VIT: variants seen among roughly 807,000 people sequenced by gnomAD.
VIT encodes the protein vitrin.
A neutral mutation model predicts 78.0 loss-of-function variants in VIT; 99 were observed. The ratio of observed to expected loss-of-function variants is 1.27; its 90% CI spans 1.08 to 1.50. VIT has a LOEUF of 1.50. Among genes scored for constraint, VIT ranks in the 40% most tolerant of loss-of-function variants. The pLI is 0.00. For synonymous variants in VIT, 374 were observed against 334.3 expected, an observed-to-expected ratio of 1.12 and a Z score of -1.29; for missense variants, 1,126 against 875.3, an observed-to-expected ratio of 1.29 and a Z score of -3.61.
chr2:36,808,292 G>C (rs773494455), intron 14 of VIT, among the ~76,000 whole-genome samples, 180 bp from the exon 15 acceptor site: 25 of 152,220 alleles, frequency 1.6e-4, no homozygotes, highest in Non-Finnish European at 2.8e-4. Context: ...GCGATAACCC[G>C]GGGGCTTCGC....
At chr2:36,767,035 G>C in intron 6 of VIT, 59 bp from the exon 7 acceptor site, 1 of 1,444,092 alleles carries the variant, frequency 6.9e-7, no homozygotes, top group Non-Finnish European at 9.2e-7. Context: ...TTTATTTCTA[G>C]TTCTATAAGA....
chr2:36,727,653 T>C (rs1666935769), intron 2 of VIT, among the ~76,000 whole-genome samples: 1 of 152,228 alleles, frequency 6.6e-6, no homozygotes, highest in African/African-American at 2.4e-5. Context: ...AGACATCTCT[T>C]TTCTCCAATC....
In VIT at chr2:36,787,218, G is replaced by A. The variant is rs553993339; in HGVS notation, c.1000G>A (p.Val334Ile). 20 of 1,614,216 alleles carry A rather than the reference G, an allele frequency of 1.2e-5. 3 individuals carry two copies. Among genetic ancestry groups the A allele is most frequent in the South Asian group, 6.6e-5 (6 of 91,086 alleles). Residue 334 changes from valine to isoleucine, a missense_variant, in exon 12 of 16, where the codon GTT becomes ATT. Transcript: ENST00000379242. The stretch of plus-strand genomic sequence containing the variant: ...AATCCAGAAGCAGCTCCTGGCTGAT[G>A]TTGCCCAAGCTCTTGACATTGGCCC... ...FRIQKQLLAD[V>I]AQALDIGPAG...
intron 9 of VIT, among the ~76,000 whole-genome samples, chr2:36,778,914 G>A (rs1249924074): frequency 2.0e-5 from 3 of 152,190 alleles, no homozygotes; most frequent in East Asian, 1.9e-4. Context: ...GGGAAGAAAC[G>A]AGGGAGCTGA....
intron 4 of VIT, among the ~76,000 whole-genome samples, chr2:36,749,101 G>C (rs1041643044): frequency 6.6e-6 from 1 of 152,212 alleles, no homozygotes; most frequent in Non-Finnish European, 1.5e-5. Flanking sequence ...TTGATGGGGA[G>C]AGGAAGAGAA....
In VIT at chr2:36,787,120, G is replaced by T; in HGVS notation, c.911-9G>T. ...CATGAGAATAATAGAGTCTTTTTCC[G>T]TTCCGCAGACTGCAAAATTGACTTG... On this transcript the variant is annotated splice_polypyrimidine_tract_variant and intron_variant, in intron 11 of 15. Coordinates refer to ENST00000379242, the MANE Select transcript of VIT (RefSeq NM_053276.4). 1 of 1,614,008 alleles carries T rather than the reference G, an allele frequency of 6.2e-7. No individual in the cohort carries two copies. Among genetic ancestry groups the T allele is most frequent in the Non-Finnish European group, 8.5e-7 (1 of 1,179,990 alleles).
chr2:36,708,085 G>T (rs1237419057), intron 1 of VIT, among the ~76,000 whole-genome samples: 1 of 151,740 alleles, frequency 6.6e-6, no homozygotes, highest in Non-Finnish European at 1.5e-5. Context: ...TACAGATAGA[G>T]GCCACCACCA....
At chr2:36,731,717 G>C (rs1286429705) in intron 3 of VIT, among the ~76,000 whole-genome samples, 1 of 152,138 alleles carries the variant, frequency 6.6e-6, no homozygotes, top group Non-Finnish European at 1.5e-5. Context: ...AAGCACACTG[G>C]GATATCTGTA....
intron 3 of VIT, among the ~76,000 whole-genome samples, chr2:36,734,605 G>C (rs1667397463): frequency 6.6e-6 from 1 of 152,228 alleles, no homozygotes; most frequent in African/African-American, 2.4e-5. Flanking sequence ...AAGGAGAAGA[G>C]CATAACTGTC....
intron 14 of VIT, among the ~76,000 whole-genome samples, chr2:36,806,355 C>A (rs184994143): frequency 6.6e-6 from 1 of 152,206 alleles, no homozygotes; most frequent in African/African-American, 2.4e-5. Context: ...TCCTGCACCA[C>A]CTCAAACTGA....
chr2:36,774,108 A>G (rs1266075542), intron 8 of VIT, among the ~76,000 whole-genome samples: 1 of 152,138 alleles, frequency 6.6e-6, no homozygotes, highest in Non-Finnish European at 1.5e-5. Flanking sequence ...GGATTCAGTA[A>G]CCGGGCTCTT....
intron 9 of VIT, among the ~76,000 whole-genome samples, chr2:36,778,391 T>A (rs1012955427): frequency 6.6e-6 from 1 of 152,190 alleles, no homozygotes; most frequent in Non-Finnish European, 1.5e-5. Context: ...GGTGGGCTCC[T>A]GATAATTCAA....
intron 11 of VIT, among the ~76,000 whole-genome samples, chr2:36,785,877 T>C (rs1665060131): frequency 6.6e-6 from 1 of 152,248 alleles, no homozygotes; most frequent in Non-Finnish European, 1.5e-5. Flanking sequence ...AATAAATATT[T>C]CTCATCAATT....
chr2:36,788,196 C>A (rs531289276), intron 12 of VIT: 6 of 179,970 alleles, frequency 3.3e-5, no homozygotes, highest in African/African-American at 1.2e-4. Context: ...ACCATCATAA[C>A]CTTTGGTGCC....
At chr2:36,754,026 G>T (rs1439232947) in intron 4 of VIT, among the ~76,000 whole-genome samples, 3 of 152,184 alleles carry the variant, frequency 2.0e-5, no homozygotes, top group South Asian at 4.1e-4. Context: ...CAGGTATGCT[G>T]GGAGAACCCA....
At chr2:36,748,999 T>C (rs1328942126) in intron 4 of VIT, among the ~76,000 whole-genome samples, 1 of 152,192 alleles carries the variant, frequency 6.6e-6, no homozygotes, top group African/African-American at 2.4e-5. Flanking sequence ...CCGTCGACCT[T>C]ACTGTGGAGG....
rs182557627 is a variant in VIT, at chr2:36,729,487, G to A, written c.114G>A (p.Lys38=). The change falls in exon 3 of 16, where the codon AAG becomes AAA. Residue 38 remains lysine (K), a synonymous_variant. Coordinates refer to ENST00000379242, the MANE Select transcript of VIT (RefSeq NM_053276.4). ...CGGCAAAGAAGATTAAAAGGCCCAA[G>A]TTCAGTAAGTAAAATCACAATTCCT... ...KETAKKIKRP[K]FTVPQINCDV... 4.5e-5 allele frequency: 73 copies of A among 1,608,064 alleles called. No individual in the cohort carries two copies. In the East Asian group the frequency reaches 4.9e-4, roughly 11 times the overall value.
chr2:36,746,372 G>T (rs1018707705), intron 4 of VIT, among the ~76,000 whole-genome samples: 2 of 152,098 alleles, frequency 1.3e-5, no homozygotes, highest in African/African-American at 4.8e-5. Context: ...AATAGTTTCA[G>T]TAGTATTGGT....
intron 4 of VIT, among the ~76,000 whole-genome samples, chr2:36,752,268 A>G (rs774033626): frequency 2.6e-5 from 4 of 152,198 alleles, no homozygotes; most frequent in Non-Finnish European, 4.4e-5. Flanking sequence ...TTCCCTGAGA[A>G]GGTGCAATGA....
Sources: allele counts gnomAD v4.1 joint callset (sites outside exome capture counted in the v4.1 genomes callset), GRCh38; gene constraint gnomAD v4.1.1; transcripts MANE v1.5; gene names NCBI Gene and HGNC (gene_info 2026-07-23, HGNC 2026-07-21).